Variants in BNC2 observed in about 807,000 individuals in gnomAD.
The protein encoded by BNC2 is basonuclin zinc finger protein 2.
Under a neutral mutation model 76.3 loss-of-function variants are expected in BNC2, and 20 were observed. That is an observed-to-expected ratio of 0.26 (90% CI 0.18 to 0.38). The LOEUF (loss-of-function observed/expected upper bound fraction) is 0.38. Among genes scored for constraint, BNC2 ranks in the 10% least tolerant of loss-of-function variants. BNC2 has a pLI of 1.00. For synonymous variants in BNC2, 582 were observed against 514.8 expected (o/e 1.13, Z -1.77); for missense variants, 1,382 against 1,399.8 (o/e 0.99, Z 0.20).
chr9:16,692,792 T>C (rs1328273031), intron 3 of BNC2, among the ~76,000 whole-genome samples: 1 of 152,108 alleles, frequency 6.6e-6, no homozygotes, highest in Non-Finnish European at 1.5e-5. Context: ...GTGTTTGGAA[T>C]GACCGAAAAG....
intron 2 of BNC2, among the ~76,000 whole-genome samples, chr9:16,728,456 T>A (rs1051875784): frequency 4.6e-5 from 7 of 152,146 alleles, no homozygotes; most frequent in African/African-American, 1.7e-4. Flanking sequence ...CCCCGGGAAT[T>A]TTTCTCAACA....
At chr9:16,621,750 C>G (rs1820873378) in intron 3 of BNC2, among the ~76,000 whole-genome samples, 1 of 152,010 alleles carries the variant, frequency 6.6e-6, no homozygotes, top group East Asian at 1.9e-4. Context: ...GTGGCTAGTC[C>G]AAGTTGAGAT....
At chr9:16,595,837 T>C (rs1446073250) in intron 3 of BNC2, among the ~76,000 whole-genome samples, 1 of 152,098 alleles carries the variant, frequency 6.6e-6, no homozygotes, top group Non-Finnish European at 1.5e-5. Flanking sequence ...ATGTAATGGT[T>C]GTCAGGAACT....
chr9:16,595,334 T>C (rs916815910), intron 3 of BNC2, among the ~76,000 whole-genome samples: 2 of 152,178 alleles, frequency 1.3e-5, no homozygotes, highest in East Asian at 1.9e-4. Flanking sequence ...AAAGGAATCA[T>C]ACCTGTTACA....
intron 3 of BNC2, among the ~76,000 whole-genome samples, chr9:16,713,759 G>C (rs374146024): frequency 6.6e-6 from 1 of 152,018 alleles, no homozygotes; most frequent in Non-Finnish European, 1.5e-5. Context: ...AACCTAGTTA[G>C]TGCAGCTAAA....
intron 3 of BNC2, among the ~76,000 whole-genome samples, chr9:16,694,557 G>A (rs1355803569): frequency 2.0e-5 from 3 of 152,172 alleles, no homozygotes; most frequent in East Asian, 1.9e-4. Flanking sequence ...CAGACCAGAG[G>A]AATTCCGGCT....
chr9:16,438,627 G>C (rs995173223), intron 5 of BNC2, among the ~76,000 whole-genome samples: 4 of 152,074 alleles, frequency 2.6e-5, no homozygotes, highest in African/African-American at 7.2e-5. Context: ...CATTGGGACA[G>C]CACACTTTGT....
chr9:16,831,551 T>C (rs1292726909), intron 1 of BNC2, among the ~76,000 whole-genome samples: 1 of 152,238 alleles, frequency 6.6e-6, no homozygotes, highest in Non-Finnish European at 1.5e-5. Flanking sequence ...TGAGAGGTTT[T>C]CTTGTTTGTT....
chr9:16,836,484 T>C (rs1818709985), intron 1 of BNC2, among the ~76,000 whole-genome samples: 1 of 151,952 alleles, frequency 6.6e-6, no homozygotes, highest in African/African-American at 2.4e-5. Context: ...TGTCTTGATT[T>C]TTAAAACTTT....
chr9:16,533,061 A>T (rs1012642155), intron 5 of BNC2, among the ~76,000 whole-genome samples: 5 of 152,246 alleles, frequency 3.3e-5, no homozygotes, highest in African/African-American at 1.2e-4. Flanking sequence ...ACACTCATTT[A>T]AACTTTATAA....
chr9:16,533,109 G>C (rs959154438), intron 5 of BNC2, among the ~76,000 whole-genome samples: 1 of 152,140 alleles, frequency 6.6e-6, no homozygotes, highest in African/African-American at 2.4e-5. Flanking sequence ...AAGAGAAAGA[G>C]ATAATTTTGC....
At chr9:16,849,982 T>C (rs1026536492) in intron 1 of BNC2, among the ~76,000 whole-genome samples, 9 of 152,184 alleles carry the variant, frequency 5.9e-5, no homozygotes, top group Non-Finnish European at 1.2e-4. Context: ...TGATTTCTAA[T>C]GTCACTAGTA....
chr9:16,786,465 T>A (rs1826296731), intron 1 of BNC2, among the ~76,000 whole-genome samples: 1 of 152,160 alleles, frequency 6.6e-6, no homozygotes, highest in Non-Finnish European at 1.5e-5. Flanking sequence ...TCTACCTGAA[T>A]AAGCTTACAC....
intron 5 of BNC2, among the ~76,000 whole-genome samples, chr9:16,487,500 C>CT (rs1276298465): frequency 6.6e-6 from 1 of 152,192 alleles, no homozygotes; most frequent in Non-Finnish European, 1.5e-5. Flanking sequence ...GGCACAAGCT[C>CT]TTCACTGAAA....
chr9:16,768,974 A>C (rs1258583208), intron 1 of BNC2, among the ~76,000 whole-genome samples: 1 of 152,196 alleles, frequency 6.6e-6, no homozygotes, highest in Non-Finnish European at 1.5e-5. Context: ...GAAGAAGCTG[A>C]GAAGTAGGTA....
At chr9:16,503,717 G>C (rs1240490965) in intron 5 of BNC2, among the ~76,000 whole-genome samples, 4 of 152,108 alleles carry the variant, frequency 2.6e-5, no homozygotes, top group African/African-American at 4.8e-5. Flanking sequence ...ACATGACAAT[G>C]TTTACTCAAG....
intron 1 of BNC2, among the ~76,000 whole-genome samples, chr9:16,845,818 A>G (rs1818966768): frequency 6.6e-6 from 1 of 152,054 alleles, no homozygotes; most frequent in Non-Finnish European, 1.5e-5. Flanking sequence ...TGCATACTTA[A>G]GTTACCATAT....
At chr9:16,663,277 C>T (rs1379228727) in intron 3 of BNC2, among the ~76,000 whole-genome samples, 1 of 151,766 alleles carries the variant, frequency 6.6e-6, no homozygotes, top group Non-Finnish European at 1.5e-5. Context: ...TGATTACAGG[C>T]GCCCGCCACC....
chr9:16,771,216 G>C (rs1056175185), intron 1 of BNC2, among the ~76,000 whole-genome samples: 1 of 152,126 alleles, frequency 6.6e-6, no homozygotes, highest in Non-Finnish European at 1.5e-5. Flanking sequence ...AGTGGAATGT[G>C]CTATATCTGT....
Sources: gnomAD v4.1 joint callset for allele counts (sites outside exome capture counted in the v4.1 genomes callset) on GRCh38, gnomAD v4.1.1 for gene constraint, MANE v1.5 for transcripts, NCBI Gene and HGNC (gene_info 2026-07-23, HGNC 2026-07-21) for gene names.